The following GPC6 variants were observed in gnomAD, a reference collection of about 807,000 sequenced individuals.
GPC6 encodes the protein glypican 6.
A neutral mutation model predicts 55.2 loss-of-function variants in GPC6; 14 were observed. The ratio of observed to expected loss-of-function variants is 0.25; its 90% CI spans 0.17 to 0.40. The LOEUF is 0.40. Ranked by LOEUF, GPC6 falls within the 10% of genes least tolerant of loss-of-function variation. GPC6 has a pLI of 1.00. For missense variants in GPC6, 641 were observed against 708.5 expected (o/e 0.90, Z 1.08); for synonymous variants, 278 against 259.6 (o/e 1.07, Z -0.68).
chr13:93,958,036 C>T (rs142195359), intron 3 of GPC6, among the ~76,000 whole-genome samples: 1,689 of 152,144 alleles, frequency 0.011, 19 homozygotes, highest in Middle Eastern at 0.031. Flanking sequence ...CTGTTCATGT[C>T]CTTTGCCTAA....
At chr13:93,401,853 T>C (rs1594144392) in intron 1 of GPC6, among the ~76,000 whole-genome samples, 1 of 152,082 alleles carries the variant, frequency 6.6e-6, no homozygotes, top group Non-Finnish European at 1.5e-5. Flanking sequence ...ACTAGTCAGA[T>C]AGAGTAGGTT....
chr13:93,968,198 A>C (rs978679349), intron 3 of GPC6, among the ~76,000 whole-genome samples: 6 of 152,206 alleles, frequency 3.9e-5, no homozygotes, highest in Non-Finnish European at 8.8e-5. Flanking sequence ...TAGCCAATTG[A>C]TATGGAAGAG....
chr13:93,501,045 G>A (rs1880503140), intron 1 of GPC6, among the ~76,000 whole-genome samples: 1 of 152,052 alleles, frequency 6.6e-6, no homozygotes, highest in Non-Finnish European at 1.5e-5. Context: ...ATCCACACAC[G>A]AGAACTTTAT....
chr13:94,357,693 TG>T (rs1196038544), intron 6 of GPC6, among the ~76,000 whole-genome samples: 1 of 152,208 alleles, frequency 6.6e-6, no homozygotes, highest in Non-Finnish European at 1.5e-5. Flanking sequence ...TCCCCTTTAC[TG>T]TGGTGTAAGT....
At chr13:93,392,329 A>G (rs1016754873) in intron 1 of GPC6, among the ~76,000 whole-genome samples, 5 of 152,142 alleles carry the variant, frequency 3.3e-5, no homozygotes, top group Non-Finnish European at 7.4e-5. Context: ...TGACCCCCCT[A>G]ATTGTTTTTT....
At chr13:94,278,790 T>C (rs1046468054) in intron 4 of GPC6, among the ~76,000 whole-genome samples, 1 of 152,206 alleles carries the variant, frequency 6.6e-6, no homozygotes, top group Non-Finnish European at 1.5e-5. Context: ...TGAAGCTGAC[T>C]TGATTGTGGT....
chr13:93,413,145 A>G (rs934984546), intron 1 of GPC6, among the ~76,000 whole-genome samples: 19 of 152,170 alleles, frequency 1.2e-4, no homozygotes. Context: ...AGGAAAAAAT[A>G]TTTACATAGA....
At chr13:94,177,824 T>C (rs756925100) in intron 4 of GPC6, among the ~76,000 whole-genome samples, 1 of 152,164 alleles carries the variant, frequency 6.6e-6, no homozygotes, top group African/African-American at 2.4e-5. Context: ...AAACTAATAA[T>C]AAACCACATG....
At chr13:93,398,200 A>G (rs985797158) in intron 1 of GPC6, among the ~76,000 whole-genome samples, 1 of 152,194 alleles carries the variant, frequency 6.6e-6, no homozygotes, top group Non-Finnish European at 1.5e-5. Flanking sequence ...CACAAGAAAG[A>G]CCAAGTCCAC....
intron 3 of GPC6, among the ~76,000 whole-genome samples, chr13:93,997,020 G>A (rs1384511992): frequency 1.3e-5 from 2 of 152,126 alleles, no homozygotes; most frequent in Admixed American, 6.6e-5. Context: ...TTCAAACTGT[G>A]ATCAACAGAC....
At position 94,158,459 on chromosome 13, in the gene GPC6, C is replaced by A. The variant is rs377069753; in HGVS notation, c.878-127890C>A. 1.1e-3 allele frequency among the ~76,000 whole-genome samples: 159 copies of A among 150,714 alleles called. 2 individuals are homozygous for A. Among genetic ancestry groups the A allele is most frequent in the African/African-American group, 3.8e-3 (156 of 41,130 alleles). ...TAACTCCTTTAAAGAGAACACAATT[C>A]ATAAATGAAATGCCTAATTTAAATG... is the stretch of plus-strand genomic sequence containing the variant. On this transcript the variant is annotated intron_variant, in intron 4 of 8. Transcript: ENST00000377047.
chr13:93,609,955 A>G (rs545778239), intron 2 of GPC6, among the ~76,000 whole-genome samples: 14 of 152,252 alleles, frequency 9.2e-5, no homozygotes, highest in African/African-American at 2.6e-4. Context: ...AGTAGATTCT[A>G]TTCAGTACCT....
intron 1 of GPC6, among the ~76,000 whole-genome samples, chr13:93,466,721 G>T (rs1878916921): frequency 6.6e-6 from 1 of 152,166 alleles, no homozygotes; most frequent in African/African-American, 2.4e-5. Flanking sequence ...TTTGGCATGT[G>T]TATGGAAGAG....
chr13:93,297,535 G>T (rs1338431343), intron 1 of GPC6, among the ~76,000 whole-genome samples: 1 of 152,162 alleles, frequency 6.6e-6, no homozygotes, highest in Non-Finnish European at 1.5e-5. Flanking sequence ...GGAGGCTGAG[G>T]CAGGAGTATT....
intron 2 of GPC6, among the ~76,000 whole-genome samples, chr13:93,574,947 C>A (rs1298058200): frequency 6.6e-6 from 1 of 151,886 alleles, no homozygotes; most frequent in Non-Finnish European, 1.5e-5. Context: ...AGTGACAAAC[C>A]CAGGGAAGTG....
upstream of GPC6, among the ~76,000 whole-genome samples, chr13:93,226,137 T>C (rs1000307342): frequency 6.6e-6 from 1 of 152,166 alleles, no homozygotes; most frequent in African/African-American, 2.4e-5. Flanking sequence ...AAGTCTACTA[T>C]GTGAGGGCAT....
intron 1 of GPC6, among the ~76,000 whole-genome samples, chr13:93,432,646 G>A (rs1404202888): frequency 6.6e-6 from 1 of 152,120 alleles, no homozygotes; most frequent in African/African-American, 2.4e-5. Flanking sequence ...GCTAAAAGAT[G>A]TATTAATTTA....
upstream of GPC6, among the ~76,000 whole-genome samples, chr13:93,225,511 T>TGG (rs1310510538): frequency 1.1e-5 from 1 of 91,664 alleles, no homozygotes; most frequent in Admixed American, 1.1e-4. Flanking sequence ...TTGTTTTGTT[T>TGG]TTTTTTTTTT....
chr13:93,353,036 T>G (rs1594113266), intron 1 of GPC6, among the ~76,000 whole-genome samples: 1 of 152,226 alleles, frequency 6.6e-6, no homozygotes, highest in Non-Finnish European at 1.5e-5. Flanking sequence ...CAGGCCAAGG[T>G]GTTAACAAGT....
Sources: allele counts gnomAD v4.1 joint callset (sites outside exome capture counted in the v4.1 genomes callset), GRCh38; gene constraint gnomAD v4.1.1; transcripts MANE v1.5; gene names NCBI Gene and HGNC (gene_info 2026-07-23, HGNC 2026-07-21).